ARHGEF11: variants seen among roughly 807,000 people sequenced by gnomAD.
The protein encoded by ARHGEF11 is Rho guanine exchange factor (GEF) 11.
In ARHGEF11, 55 loss-of-function variants were observed where a neutral mutation model predicts 193.7. That is an observed-to-expected ratio of 0.28 (90% CI 0.23 to 0.36). The LOEUF (loss-of-function observed/expected upper bound fraction) is 0.36. Ranked by LOEUF, ARHGEF11 falls within the 10% of genes least tolerant of loss-of-function variation. ARHGEF11 has a pLI of 1.00. For synonymous variants in ARHGEF11, 693 were observed against 768.0 expected (o/e 0.90, Z 1.62); for missense variants, 1,723 against 2,005.6 (o/e 0.86, Z 2.69).
At chr1:157,010,575 AT>A (rs1407346359) in intron 1 of ARHGEF11, among the ~76,000 whole-genome samples, 1 of 75,488 alleles carries the variant, frequency 1.3e-5, no homozygotes, top group Non-Finnish European at 2.7e-5. Flanking sequence ...GCTAATTTTT[AT>A]TTTTAAATTT....
intron 14 of ARHGEF11, 64 bp downstream of exon 14, chr1:156,961,613 T>A (rs1047978299): frequency 1.4e-6 from 2 of 1,462,274 alleles, no homozygotes; most frequent in Non-Finnish European, 1.9e-6. Flanking sequence ...TTGCTTAATT[T>A]TCCCTGCCTC....
intron 1 of ARHGEF11, among the ~76,000 whole-genome samples, chr1:156,989,670 C>CT (rs1205324192): frequency 6.6e-6 from 1 of 152,188 alleles, no homozygotes; most frequent in Non-Finnish European, 1.5e-5. Context: ...TCTCCTACTA[C>CT]TTTTTCAAGG....
intron 32 of ARHGEF11, 51 bp from the exon 33 acceptor site, chr1:156,942,831 G>T (rs1272730118): frequency 2.0e-6 from 3 of 1,506,918 alleles, no homozygotes; most frequent in South Asian, 2.3e-5. Context: ...TGGCAGGTGT[G>T]ACTGCAGCCT....
At chr1:156,961,526 AG>A in intron 14 of ARHGEF11, 150 bp downstream of exon 14, 2 of 654,506 alleles carry the variant, frequency 3.1e-6, no homozygotes, top group South Asian at 3.8e-5. Flanking sequence ...GAGTGGCGCT[AG>A]GAACAGAATC....
At chr1:157,040,733 C>T (rs1172448255) in intron 1 of ARHGEF11, among the ~76,000 whole-genome samples, 2 of 152,280 alleles carry the variant, frequency 1.3e-5, no homozygotes, top group East Asian at 1.9e-4. Flanking sequence ...ATACTTAGCT[C>T]AGAAAGTTGT....
intron 12 of ARHGEF11, 65 bp from the exon 13 acceptor site, chr1:156,963,369 G>A (rs1661239620): frequency 2.0e-6 from 3 of 1,522,848 alleles, no homozygotes; most frequent in Non-Finnish European, 1.8e-6. Flanking sequence ...TTCCAGCTTA[G>A]CTCCCATGTG....
Position 156,954,915 on chromosome 1 carries a change from T to G in ARHGEF11, c.1775A>C (p.His592Pro), listed in dbSNP as rs369872867. 6.2e-7 allele frequency: 1 copy of G among 1,608,034 alleles called. No individual in the cohort carries two copies. The highest frequency in any genetic ancestry group is 8.5e-7 in the Non-Finnish European group (1 of 1,178,188). The change falls in exon 21 of 41, where the codon CAT (histidine) becomes CCT (proline). Residue 592 changes from histidine to proline, a missense_variant. By Grantham distance (77) the His-to-Pro change is moderately conservative (BLOSUM62 -2). Around this residue, in one of 5 missense-constraint regions of ARHGEF11, gnomAD observed 491 missense variants for 654.5 expected, o/e 0.75. Transcript: ENST00000368194. Reference sequence around the variant, plus strand: ...ACCTTCCACAGGGGACAAGGGAATATGAAATGCTAAAAGAAAAACAAACAA... The same window carrying G: ...ACCTTCCACAGGGGACAAGGGAATAGGAAATGCTAAAAGAAAAACAAACAA... ...KPKSSSQSTF[H>P]IPLSPVEVKP...
intron 1 of ARHGEF11, among the ~76,000 whole-genome samples, chr1:157,016,472 G>T (rs1014468438): frequency 2.0e-5 from 3 of 152,090 alleles, no homozygotes; most frequent in Non-Finnish European, 2.9e-5. Context: ...CACCTGCCTC[G>T]GCCTCCTGAA....
intron 21 of ARHGEF11, among the ~76,000 whole-genome samples, chr1:156,952,471 AG>A (rs1659259436): frequency 6.6e-6 from 1 of 152,202 alleles, no homozygotes; most frequent in South Asian, 2.1e-4. Flanking sequence ...CTCAGTTCTG[AG>A]CCCATCCATA....
chr1:156,937,276 C>A lies in ARHGEF11; in HGVS notation c.4413G>T (p.Gln1471His), dbSNP rs906576163. 1.9e-6 allele frequency: 3 copies of A among 1,613,936 alleles called. No individual in the cohort carries two copies. Among genetic ancestry groups the A allele is most frequent in the Non-Finnish European group, 2.5e-6 (3 of 1,179,912 alleles). ...TGAGCCTGTTGAGCTTGAGAGTGAG[C>A]TGCTCAATGGTATGGAAGATCATGC... ...DVGMIFHTIE[Q>H]LTLKLNRLKD... is the part of the protein sequence containing the mutation. Residue 1471 changes from glutamine (Q) to histidine (H), a missense_variant, in exon 39 of 41, where the codon CAG (glutamine) becomes CAT (histidine). Around this residue, in one of 5 missense-constraint regions of ARHGEF11, gnomAD observed 360 missense variants for 344.4 expected, o/e 1.05. Transcript: ENST00000368194.
chr1:156,952,011 T>C (rs182000010), intron 21 of ARHGEF11, among the ~76,000 whole-genome samples: 199 of 152,162 alleles, frequency 1.3e-3, no homozygotes, highest in African/African-American at 4.5e-3. Context: ...TTGAAAGTCA[T>C]GATTAGGTTT....
At chr1:157,009,126 G>T (rs1311756334) in intron 1 of ARHGEF11, among the ~76,000 whole-genome samples, 1 of 152,208 alleles carries the variant, frequency 6.6e-6, no homozygotes, top group Non-Finnish European at 1.5e-5. Context: ...AGTTTAGTAT[G>T]AATGTCTCTG....
chr1:156,968,795 A>T (rs1349295854), intron 10 of ARHGEF11, among the ~76,000 whole-genome samples: 2 of 152,236 alleles, frequency 1.3e-5, no homozygotes, highest in African/African-American at 4.8e-5. Context: ...ATAACCTTTG[A>T]GGTCAAAACC....
chr1:157,006,988 G>T (rs1667897062), intron 1 of ARHGEF11, among the ~76,000 whole-genome samples: 1 of 152,142 alleles, frequency 6.6e-6, no homozygotes, highest in African/African-American at 2.4e-5. Context: ...CCCCTCAAGG[G>T]TTCTGCATGC....
intron 1 of ARHGEF11, among the ~76,000 whole-genome samples, chr1:157,009,412 A>C (rs1305320526): frequency 2.6e-5 from 4 of 152,216 alleles, no homozygotes; most frequent in Admixed American, 2.6e-4. Context: ...AATCTTGAGG[A>C]GTTAGGAGAC....
rs1448796556 is a variant in ARHGEF11 at position 156,939,785 on chromosome 1, G to A, written c.3859C>T (p.Pro1287Ser). ...TPSVISVTSH[P>S]WDPGSPGQAP... ...TGCCCTGGGGAGCCTGGGTCCCAGG[G>A]GTGAGAGGTGACGCTGATGACAGAA... Residue 1287 changes from proline to serine, a missense_variant, in exon 37 of 41, where the codon CCC becomes TCC. Pro to Ser is a moderately conservative substitution (Grantham distance 74, BLOSUM62 -1). Transcript: ENST00000368194. 3.1e-6 allele frequency: 5 copies of A among 1,613,912 alleles called. No homozygotes were observed. The highest frequency in any genetic ancestry group is 4.2e-6 in the Non-Finnish European group (5 of 1,179,966).
chr1:156,943,792 C>T lies in ARHGEF11; in HGVS notation c.3235+143G>A, dbSNP rs557577649. On this transcript the variant is annotated intron_variant, in intron 32 of 40. Transcript: ENST00000368194. ...ACCCCACTTTGGGCCAGTCCTACCA[C>T]TTAGGCTGGGTCAGGACAGGAGGAA... is the stretch of plus-strand genomic sequence containing the variant. 6.8e-5 allele frequency: 74 copies of T among 1,082,502 alleles called. 2 individuals are homozygous for T. The South Asian group carries it at 8.7e-4, about 13-fold the overall frequency. 67.1% of individuals were successfully genotyped at this position (1,082,502 alleles called of 1,614,324 possible).
chr1:156,954,529 T>C (rs900478750), intron 21 of ARHGEF11, among the ~76,000 whole-genome samples: 2 of 151,602 alleles, frequency 1.3e-5, no homozygotes, highest in Non-Finnish European at 2.9e-5. Flanking sequence ...GACTGAATTA[T>C]AGAGAAAAGG....
rs778433244 is a variant in ARHGEF11, at chr1:157,029,167, C to CAA, written c.32+15130_32+15131dup. ...AGGCAACTGAAGTGAGACCCTGTCT[C>CAA]AAAAAAAAAAAAAAAAAAAAGAAAG... On this transcript the variant is annotated intron_variant, in intron 1 of 40. Coordinates refer to ENST00000368194, the MANE Select transcript of ARHGEF11 (RefSeq NM_198236.3). Among the ~76,000 whole-genome samples, 375 of 50,436 alleles carry CAA rather than the reference C, an allele frequency of 7.4e-3. 4 individuals carry two copies. Among genetic ancestry groups the CAA allele is most frequent in the African/African-American group, 0.025 (354 of 14,410 alleles). The allele number at this position is 50,436 out of a possible 152,430, so 33.1% of individuals were successfully genotyped here. A position where few individuals can be genotyped will look rare whatever the true frequency, so the allele number is the denominator to read the frequency against.
Sources: allele counts gnomAD v4.1 joint callset (sites outside exome capture counted in the v4.1 genomes callset), GRCh38; gene constraint gnomAD v4.1.1; regional missense constraint gnomAD v4.1.1; transcripts MANE v1.5; gene names NCBI Gene and HGNC (gene_info 2026-07-23, HGNC 2026-07-21).